LYSMD4: variants seen among roughly 807,000 people sequenced by gnomAD.
LYSMD4 encodes the protein LysM domain containing 4, also known as lysM and putative peptidoglycan-binding domain-containing protein 4.
In LYSMD4, 9 loss-of-function variants were observed where a neutral mutation model predicts 6.1. That is an observed-to-expected ratio of 1.47 (90% CI 0.88 to 2.56). The LOEUF (loss-of-function observed/expected upper bound fraction) is 2.56. Among genes scored for constraint, LYSMD4 ranks in the 30% most tolerant of loss-of-function variants. The probability of loss-of-function intolerance (pLI) is 0.00; values close to 1 mark genes in which losing one functional copy is unlikely to be tolerated. For missense variants in LYSMD4, 384 were observed against 373.5 expected (o/e 1.03, Z -0.23); for synonymous variants, 143 against 148.5 (o/e 0.96, Z 0.27).
rs1010230729 is a variant in LYSMD4, at chr15:99,731,506, T to G, written c.282+212A>C. 10 of 1,577,454 alleles carry G rather than the reference T, an allele frequency of 6.3e-6. No homozygotes were observed. The African/African-American group carries it at 1.4e-4, about 22-fold the overall frequency. ...GTTCCCTGCAGAGAAAGAAATGCGC[T>G]AACCCTCCCTCTTTGGGGGCCAGGG... On this transcript the variant is annotated intron_variant, in intron 2 of 2. Transcript: ENST00000684762.
downstream of LYSMD4, among the ~76,000 whole-genome samples, chr15:99,725,956 T>C (rs147807919): frequency 1.0e-3 from 153 of 152,138 alleles, 1 homozygote; most frequent in African/African-American, 3.6e-3. Context: ...GCCTGCGTCG[T>C]AGGGAGGTAG....
upstream of LYSMD4, among the ~76,000 whole-genome samples, chr15:99,720,413 G>A (rs542537759): frequency 6.6e-6 from 1 of 152,180 alleles, no homozygotes; most frequent in African/African-American, 2.4e-5. Context: ...TTGAGCCCAG[G>A]AATTCGAGAC....
chr15:99,729,427 G>T lies in LYSMD4; in HGVS notation c.587C>A (p.Ser196Tyr), dbSNP rs2059347210. Residue 196 changes from serine (S) to tyrosine (Y), a missense_variant, in exon 3 of 3, where the codon TCC becomes TAC. Ser to Tyr is a moderately radical substitution (Grantham distance 144, BLOSUM62 -2). Transcript: ENST00000684762. ...FLHESYCMDT[S>Y]HQPLLPAPPK... Reference sequence around the variant, plus strand: ...AGGTGCCGGGAGCAGTGGCTGATGGGAGGTGTCCATGCAGTAACTTTCATG... The same window carrying T: ...AGGTGCCGGGAGCAGTGGCTGATGGTAGGTGTCCATGCAGTAACTTTCATG... 6.2e-7 allele frequency: 1 copy of T among 1,614,074 alleles called. No homozygotes were observed. The highest frequency in any genetic ancestry group is 1.7e-5 in the Admixed American group (1 of 60,006).
chr15:99,732,082 T>C, intron 1 of LYSMD4, 75 bp from the exon 2 acceptor site: 1 of 1,432,496 alleles, frequency 7.0e-7, no homozygotes, highest in Non-Finnish European at 9.4e-7. Flanking sequence ...AAGAGAAGTG[T>C]CTTGTTAGAG....
chr15:99,718,880 A>G (rs1402023894), upstream of LYSMD4, among the ~76,000 whole-genome samples: 1 of 151,390 alleles, frequency 6.6e-6, no homozygotes, highest in African/African-American at 2.4e-5. Context: ...CTTTCTGCAG[A>G]CACAACAAGG....
downstream of LYSMD4, among the ~76,000 whole-genome samples, chr15:99,723,407 G>A (rs2059252712): frequency 6.6e-6 from 1 of 152,160 alleles, no homozygotes; most frequent in African/African-American, 2.4e-5. Context: ...TCATCACAGG[G>A]CCAATTGTAT....
rs749981724 is a variant in LYSMD4, at chr15:99,731,987, C to T, written c.13G>A (p.Glu5Lys). 2 of 1,569,034 alleles carry T rather than the reference C, an allele frequency of 1.3e-6. No homozygotes were observed. The highest frequency in any genetic ancestry group is 1.3e-5 in the African/African-American group (1 of 74,194). MRHE[E>K]LLTKTFQGPA... ...CCTTGGAAGGTCTTGGTTAACAATT[C>T]CTCGTGCCTCATTTTCTTCACTGAA... Residue 5 changes from glutamate (E) to lysine (K), a missense_variant, in exon 2 of 3, where the codon GAA becomes AAA. By Grantham distance (56) the Glu-to-Lys change is moderately conservative. Coordinates refer to ENST00000684762, the MANE Select transcript of LYSMD4 (RefSeq NM_001284417.2).
upstream of LYSMD4, among the ~76,000 whole-genome samples, chr15:99,721,311 T>C (rs144511946): frequency 1.4e-4 from 21 of 151,992 alleles, no homozygotes; most frequent in Non-Finnish European, 2.5e-4. Flanking sequence ...AGCAGGAGGA[T>C]TTAGGGAGGA....
chr15:99,720,271 T>C (rs1030127507), upstream of LYSMD4, among the ~76,000 whole-genome samples: 2 of 152,252 alleles, frequency 1.3e-5, no homozygotes, highest in Non-Finnish European at 2.9e-5. Context: ...ACTTTTAGAT[T>C]GCTGATGCAT....
intron 2 of LYSMD4, among the ~76,000 whole-genome samples, chr15:99,730,110 C>T (rs1434585886): frequency 6.6e-6 from 1 of 152,196 alleles, no homozygotes; most frequent in Admixed American, 6.5e-5. Context: ...ACTTTTGAGG[C>T]AATAGTGCCC....
downstream of LYSMD4, among the ~76,000 whole-genome samples, chr15:99,725,404 T>C (rs1389118041): frequency 1.3e-5 from 2 of 152,248 alleles, no homozygotes; most frequent in Non-Finnish European, 2.9e-5. Flanking sequence ...TACCAATAAA[T>C]AGCATGGGTT....
upstream of LYSMD4, among the ~76,000 whole-genome samples, chr15:99,718,461 T>C (rs576351261): frequency 2.0e-5 from 3 of 152,340 alleles, no homozygotes; most frequent in African/African-American, 7.2e-5. Flanking sequence ...ACCCACTAAT[T>C]GTGCAGCGTC....
Position 99,727,407 on chromosome 15 carries a change from T to G in LYSMD4, c.*1716A>C, listed in dbSNP as rs985595411. The G allele has an allele frequency of 4.6e-5, 7 of 152,106 alleles. No individual in the cohort carries two copies. Among genetic ancestry groups the G allele is most frequent in the African/African-American group, 1.7e-4 (7 of 41,426 alleles). The allele number at this position is 152,106 out of a possible 1,614,324, so 9.4% of individuals were successfully genotyped here. On this transcript the variant is annotated 3_prime_UTR_variant, in exon 3 of 3. Transcript: ENST00000684762. Reference sequence around the variant, plus strand: ...ATTAAATAAAAAGGGGGAATCAATTTTCCTCCACAGAAGAAATAATTTTAT... The same window carrying G: ...ATTAAATAAAAAGGGGGAATCAATTGTCCTCCACAGAAGAAATAATTTTAT...
intron 2 of LYSMD4, 32 bp downstream of exon 2, chr15:99,731,686 G>C (rs777287047): frequency 1.9e-6 from 3 of 1,547,166 alleles, no homozygotes; most frequent in Admixed American, 1.9e-5. Flanking sequence ...CCTTGAAACG[G>C]AGCGGGGCAG....
At chr15:99,731,267 A>C in intron 2 of LYSMD4, 1 of 1,603,432 alleles carries the variant, frequency 6.2e-7, no homozygotes, top group Non-Finnish European at 8.5e-7. Context: ...TGCAGTTCTA[A>C]ACGAGAGAAG....
At chr15:99,731,422 G>A (rs1326270333) in intron 2 of LYSMD4, 1 of 1,609,470 alleles carries the variant, frequency 6.2e-7, no homozygotes, top group East Asian at 2.2e-5. Flanking sequence ...AATAAAATGT[G>A]CTCGAAAGAA....
downstream of LYSMD4, among the ~76,000 whole-genome samples, chr15:99,724,850 G>C (rs1221716861): frequency 3.3e-5 from 5 of 152,324 alleles, no homozygotes; most frequent in East Asian, 9.7e-4. Context: ...GCATGGGAAG[G>C]GGTACAGGTC....
chr15:99,725,935 G>A (rs1597381517), downstream of LYSMD4, among the ~76,000 whole-genome samples: 1 of 152,272 alleles, frequency 6.6e-6, no homozygotes, highest in South Asian at 2.1e-4. Flanking sequence ...CTGTAAACTG[G>A]GGATAGAAGT....
chr15:99,723,732 G>C (rs1167058156), downstream of LYSMD4, among the ~76,000 whole-genome samples: 1 of 152,214 alleles, frequency 6.6e-6, no homozygotes, highest in African/African-American at 2.4e-5. Context: ...ATGCTGTCAT[G>C]CATCGCCTGT....
Sources: allele counts gnomAD v4.1 joint callset (sites outside exome capture counted in the v4.1 genomes callset), GRCh38; gene constraint gnomAD v4.1.1; transcripts MANE v1.5; gene names NCBI Gene and HGNC (gene_info 2026-07-23, HGNC 2026-07-21).